The following ZAN variants were observed in gnomAD, a reference collection of about 807,000 sequenced individuals.
The protein encoded by ZAN is zonadhesin (gene/pseudogene).
A neutral mutation model predicts 286.2 loss-of-function variants in ZAN; 260 were observed. That is an observed-to-expected ratio of 0.91 (90% confidence interval 0.82 to 1.01). ZAN has a LOEUF of 1.01. ZAN is among the 50% of genes least tolerant of loss of function. The pLI, the probability that ZAN is intolerant of heterozygous loss-of-function variation, is 0.00. For synonymous variants in ZAN, 1,368 were observed against 1,417.5 expected (o/e 0.97, Z 0.79); for missense variants, 3,410 against 3,639.2 (o/e 0.94, Z 1.62).
At chr7:100,790,015 T>C (rs1304916360) in intron 39 of ZAN, among the ~76,000 whole-genome samples, 3 of 150,702 alleles carry the variant, frequency 2.0e-5, no homozygotes, top group Non-Finnish European at 4.4e-5. Context: ...CTTCTGGAAC[T>C]GGAGAGGCTG....
At chr7:100,768,114 C>A in intron 26 of ZAN, 103 bp downstream of exon 26, 1 of 1,359,114 alleles carries the variant, frequency 7.4e-7, no homozygotes, top group Non-Finnish European at 9.8e-7. Context: ...AAGTACTTGT[C>A]AACTGACTAA....
At chr7:100,759,622 G>T in intron 17 of ZAN, 99 bp from the exon 18 acceptor site, 1 of 1,416,308 alleles carries the variant, frequency 7.1e-7, no homozygotes, top group Non-Finnish European at 9.3e-7. Flanking sequence ...GTGTCTCGGT[G>T]GCGCTCATCT....
chr7:100,753,261 G>A (rs866979088), intron 14 of ZAN, 32 bp downstream of exon 14: 1 of 1,535,944 alleles, frequency 6.5e-7, no homozygotes, highest in Middle Eastern at 1.8e-4. Context: ...GGCCAAGGCT[G>A]AAAGTCAGAG....
At chr7:100,738,891 C>CCT (rs1807519418) in intron 7 of ZAN, among the ~76,000 whole-genome samples, 1 of 19,004 alleles carries the variant, frequency 5.3e-5, no homozygotes, top group Non-Finnish European at 7.8e-5. Flanking sequence ...CTCCCTCTCC[C>CCT]TCTCCCTCTC....
At position 100,752,320 on chromosome 7, in the gene ZAN, A is replaced by G. The variant is rs369248501; in HGVS notation, c.2215A>G (p.Thr739Ala). The change falls in exon 14 of 48, where the codon ACC becomes GCC. Residue 739 changes from threonine (T) to alanine (A), a missense_variant. Physicochemically the swap from Thr to Ala is moderately conservative, Grantham distance 58. Transcript: ENST00000613979. ...EKSTISPEKP[T>A]TPTEKPTIPT... ...ATCCACCATCTCCCCAGAAAAACCCACCACCCCCACAGAAAAACCCACCAT... is the reference window on the plus strand; with the variant it reads ...ATCCACCATCTCCCCAGAAAAACCCGCCACCCCCACAGAAAAACCCACCAT... The G allele has an allele frequency of 1.2e-5, 18 of 1,530,872 alleles. No homozygotes were observed. In the African/African-American group the frequency reaches 2.2e-4, roughly 19 times the overall value. 94.8% of individuals were successfully genotyped at this position (1,530,872 alleles called of 1,614,324 possible). A position where few individuals can be genotyped will look rare whatever the true frequency, so the allele number is the denominator to read the frequency against.
At chr7:100,784,576 G>A in intron 35 of ZAN, 47 bp from the exon 36 acceptor site, 1 of 1,596,868 alleles carries the variant, frequency 6.3e-7, no homozygotes, top group East Asian at 2.2e-5. Flanking sequence ...GCCCACCTTG[G>A]CCCCCTGTGA....
At chr7:100,778,665 C>T (rs1031427134) in intron 34 of ZAN, among the ~76,000 whole-genome samples, 1 of 151,888 alleles carries the variant, frequency 6.6e-6, no homozygotes. Context: ...GACCAGCTTC[C>T]CTGTGAACAC....
rs1810049848 is a variant in ZAN at position 100,767,254 on chromosome 7, C to T, written c.4857C>T (p.Val1619=). The T allele has an allele frequency of 6.2e-7, 1 of 1,607,022 alleles. No individual in the cohort carries two copies. Among genetic ancestry groups the T allele is most frequent in the Non-Finnish European group, 8.5e-7 (1 of 1,178,346 alleles). The stretch of plus-strand genomic sequence containing the variant: ...TCTCACTGCTCAGAGGCTGTAAGGT[C>T]ATGGTGGGTGTCTTCCTCCTGCCTC... ...LSISLLRGCK[V]MLNGHRVALP... is the part of the protein sequence containing the mutation. Residue 1619 remains valine (V), a synonymous_variant, in exon 25 of 48, where the codon GTC becomes GTT. Coordinates refer to ENST00000613979, the MANE Select transcript of ZAN (RefSeq NM_003386.3).
chr7:100,792,257 C>T (rs542142439), intron 41 of ZAN, 109 bp downstream of exon 41: 24 of 1,494,958 alleles, frequency 1.6e-5, no homozygotes, highest in African/African-American at 7.0e-5. Context: ...TTCACTCCTC[C>T]GTTCTCCCTG....
chr7:100,792,981 T>TAAAAAAAAAAAAAAAAAA (rs1812090991), intron 42 of ZAN, among the ~76,000 whole-genome samples: 1 of 32,608 alleles, frequency 3.1e-5, no homozygotes, highest in African/African-American at 1.1e-4. Context: ...ACATCCTATC[T>TAAAAAAAAAAAAAAAAAA]CAAAAAAAAA....
In ZAN at chr7:100,771,914, T is replaced by C; in HGVS notation, c.5319T>C (p.Cys1773=). 2 of 1,613,240 alleles carry C rather than the reference T, an allele frequency of 1.2e-6. No individual in the cohort carries two copies. The highest frequency in any genetic ancestry group is 1.7e-6 in the Non-Finnish European group (2 of 1,179,840). ...SSFASCVHGQ[C]GTKGDTTALC... ...TTGCCAGTTGCGTGCATGGTCAGTG[T>C]GGGACCAAGGGCGACACCACAGCCC... Residue 1773 remains cysteine, a synonymous_variant, in exon 29 of 48, where the codon TGT becomes TGC. Transcript: ENST00000613979.
At chr7:100,772,223 G>A (rs1274021666) in intron 29 of ZAN, among the ~76,000 whole-genome samples, 2 of 148,770 alleles carry the variant, frequency 1.3e-5, no homozygotes, top group African/African-American at 5.0e-5. Context: ...CCTGAGGTCA[G>A]GAGTTGGAGA....
Position 100,758,255 on chromosome 7 carries a change from C to G in ZAN, c.3363C>G (p.Pro1121=), listed in dbSNP as rs773624759. ...PNCTEHCRCW[P]GSRVECQISQ... is the part of the protein sequence containing the mutation. ...GCACAGAACATTGCCGCTGCTGGCC[C>G]GGCAGTCGGGTCGAGTGCCAGATCT... Residue 1121 remains proline, a synonymous_variant, in exon 16 of 48, where the codon CCC becomes CCG. Coordinates refer to ENST00000613979, the MANE Select transcript of ZAN (RefSeq NM_003386.3). 2.2e-5 allele frequency: 36 copies of G among 1,613,314 alleles called. No individual in the cohort carries two copies. In the South Asian group the frequency reaches 3.6e-4, roughly 16 times the overall value.
chr7:100,748,457 T>A lies in ZAN; in HGVS notation c.1236T>A (p.Gly412=). 6.2e-7 allele frequency: 1 copy of A among 1,611,260 alleles called. No homozygotes were observed. Among genetic ancestry groups the A allele is most frequent in the South Asian group, 1.1e-5 (1 of 90,666 alleles). ...GPVHGMGPAG[G]FPNAGGHYIY... is the part of the protein sequence containing the mutation. ...TCCATGGCATGGGCCCTGCGGGAGG[T>A]TTCCCTAATGCAGGTGAGGAGATTG... The change falls in exon 11 of 48, where the codon GGT becomes GGA. Residue 412 remains glycine, a synonymous_variant. Coordinates refer to ENST00000613979, the MANE Select transcript of ZAN (RefSeq NM_003386.3).
intron 34 of ZAN, 96 bp downstream of exon 34, chr7:100,776,660 CCT>C: frequency 1.1e-6 from 1 of 891,832 alleles, no homozygotes; most frequent in Non-Finnish European, 1.5e-6. Flanking sequence ...CCTCCCCTCC[CCT>C]CCCCTTCCTT....
At chr7:100,754,769 C>T (rs1018785979) in intron 14 of ZAN, among the ~76,000 whole-genome samples, 17 of 151,714 alleles carry the variant, frequency 1.1e-4, no homozygotes, top group Admixed American at 2.6e-4. Flanking sequence ...CCTGTAATTA[C>T]GCCTCAGCCT....
chr7:100,776,394 T>C (rs745837872), intron 33 of ZAN, 46 bp from the exon 34 acceptor site: 20 of 1,570,852 alleles, frequency 1.3e-5, no homozygotes, highest in Non-Finnish European at 1.6e-5. Flanking sequence ...GGAGAAAAAC[T>C]GTTCTCGTGC....
rs1305427233 is a variant in ZAN, at chr7:100,751,717, G to C, written c.1612G>C (p.Val538Leu). The C allele has an allele frequency of 6.3e-7, 1 of 1,578,154 alleles. No individual in the cohort carries two copies. The highest frequency in any genetic ancestry group is 8.6e-7 in the Non-Finnish European group (1 of 1,168,794). Residue 538 changes from valine (V) to leucine (L), a missense_variant, in exon 14 of 48, where the codon GTG becomes CTG. Val to Leu is a conservative substitution (Grantham distance 32, BLOSUM62 1). This residue lies in a region of ZAN where 872 missense variants were observed against 938.9 expected (regional missense o/e 0.93). Coordinates refer to ENST00000613979, the MANE Select transcript of ZAN (RefSeq NM_003386.3). ...LINPGTCPVK[V>L]LPELPPVSPV... The stretch of plus-strand genomic sequence containing the variant: ...ATTCTTATTTTTCTTTGCAGTAAAA[G>C]TGCTACCAGAGCTTCCTCCCGTATC...
At chr7:100,766,855 C>T (rs1393067590) in intron 24 of ZAN, among the ~76,000 whole-genome samples, 155 bp from the exon 25 acceptor site, 2 of 152,174 alleles carry the variant, frequency 1.3e-5, no homozygotes, top group Non-Finnish European at 2.9e-5. Flanking sequence ...TTAGGCAGCT[C>T]CAAGCCAAGC....
Sources: allele counts gnomAD v4.1 joint callset (sites outside exome capture counted in the v4.1 genomes callset), GRCh38; gene constraint gnomAD v4.1.1; regional missense constraint gnomAD v4.1.1; transcripts MANE v1.5; gene names NCBI Gene and HGNC (gene_info 2026-07-23, HGNC 2026-07-21).